The following CCDC32 variants were observed in gnomAD, a reference collection of about 807,000 sequenced individuals.
CCDC32 encodes coiled-coil domain containing 32, also known as coiled-coil domain-containing protein 32.
A neutral mutation model predicts 20.1 loss-of-function variants in CCDC32; 9 were observed. The ratio of observed to expected loss-of-function variants is 0.45; its 90% CI spans 0.27 to 0.78. CCDC32 has a LOEUF of 0.78. Among genes scored for constraint, CCDC32 ranks in the 30% least tolerant of loss-of-function variants. The pLI, the probability that CCDC32 is intolerant of heterozygous loss-of-function variation, is 0.16. For missense variants in CCDC32, 204 were observed against 215.5 expected, an observed-to-expected ratio of 0.95 and a Z score of 0.33; for synonymous variants, 63 against 79.0, an observed-to-expected ratio of 0.80 and a Z score of 1.07.
At chr15:40,564,864 T>G (rs1193793173) in intron 1 of CCDC32, 112 bp downstream of exon 1, 30 of 1,564,344 alleles carry the variant, frequency 1.9e-5, no homozygotes, top group Non-Finnish European at 2.5e-5. Context: ...CTCAGGTCTC[T>G]AGGGCTGTCT....
intron 2 of CCDC32, among the ~76,000 whole-genome samples, chr15:40,558,978 A>G (rs1485424691): frequency 6.6e-6 from 1 of 151,792 alleles, no homozygotes; most frequent in Non-Finnish European, 1.5e-5. Context: ...TAATTTTTGT[A>G]TTTTTAGTAG....
At chr15:40,542,175 T>A (rs977704512) in intron 3 of CCDC32, among the ~76,000 whole-genome samples, 2 of 152,222 alleles carry the variant, frequency 1.3e-5, no homozygotes, top group Non-Finnish European at 2.9e-5. Flanking sequence ...ATTACTATCT[T>A]CTACAAGGCC....
At chr15:40,534,680 A>C (rs1201064275), downstream of CCDC32, 1 of 538,466 alleles carries the variant, frequency 1.9e-6, no homozygotes, top group African/African-American at 1.9e-5. Flanking sequence ...TCTACTTCTC[A>C]TTGTATCCTC....
downstream of CCDC32, among the ~76,000 whole-genome samples, chr15:40,549,583 C>T (rs896797): frequency 0.88 from 134,465 of 152,230 alleles, 59,701 homozygotes; most frequent in Non-Finnish European, 0.93. Flanking sequence ...GTAGGCTCTA[C>T]TCCCCCCTCC....
At chr15:40,526,154 G>T (rs2141593573), downstream of CCDC32, among the ~76,000 whole-genome samples, 1 of 152,306 alleles carries the variant, frequency 6.6e-6, no homozygotes, top group East Asian at 1.9e-4. Context: ...AGCTGCTCAT[G>T]CACTAGGGAT....
At chr15:40,551,809 C>CAAAAAAAAAAAAAAA (rs59499493), downstream of CCDC32, among the ~76,000 whole-genome samples, 2 of 96,386 alleles carry the variant, frequency 2.1e-5, no homozygotes, top group African/African-American at 9.0e-5. Flanking sequence ...GACCCTGTCT[C>CAAAAAAAAAAAAAAA]AAAAAAAAAA....
At chr15:40,532,459 C>T (rs1888915060), downstream of CCDC32, among the ~76,000 whole-genome samples, 1 of 152,178 alleles carries the variant, frequency 6.6e-6, no homozygotes, top group Non-Finnish European at 1.5e-5. Flanking sequence ...AAAGATGCTT[C>T]AAAGAGAATC....
In CCDC32 at chr15:40,553,924, GTGTGTGTGTGTGTGTGTGTGTGTGT is replaced by G; in HGVS notation, c.*22_*46del. On this transcript the variant is annotated 3_prime_UTR_variant, in exon 4 of 4. Coordinates refer to ENST00000416810, the MANE Select transcript of CCDC32 (RefSeq NM_001080792.4). ...GCTCGGCGTGTGTGTGTGTGTGTGT[GTGTGTGTGTGTGTGTGTGTGTGTGT>G]GTGTGTGTGTGTGTGTGTAATTTAC... The G allele has an allele frequency of 2.6e-6, 1 of 380,354 alleles. No homozygotes were observed. Among genetic ancestry groups the G allele is most frequent in the East Asian group, 3.6e-5 (1 of 28,096 alleles). The allele number at this position is 380,354 out of a possible 1,614,324, so 23.6% of individuals were successfully genotyped here. A position where few individuals can be genotyped will look rare whatever the true frequency, so the allele number is the denominator to read the frequency against.
chr15:40,562,716 A>C, intron 2 of CCDC32, 56 bp downstream of exon 2: 1 of 1,555,478 alleles, frequency 6.4e-7, no homozygotes, highest in Admixed American at 1.9e-5. Context: ...AAGAATAGGA[A>C]ACCAAGTTTG....
At chr15:40,539,881 C>CACACACACACACACACACACA (rs1491175376) in intron 3 of CCDC32, among the ~76,000 whole-genome samples, 10 of 147,842 alleles carry the variant, frequency 6.8e-5, no homozygotes, top group Admixed American at 1.4e-4. Context: ...CACACACACA[C>CACACACACACACACACACACA]CCCGCTCCTT....
At chr15:40,558,228 A>G (rs1282873180) in intron 2 of CCDC32, among the ~76,000 whole-genome samples, 1 of 152,224 alleles carries the variant, frequency 6.6e-6, no homozygotes, top group African/African-American at 2.4e-5. Context: ...CTTAGAACCA[A>G]TAGAAACTAT....
chr15:40,553,225 T>C lies in CCDC32; in HGVS notation c.*746A>G. ...TGTTTGGAACTATCCAGGAGTAGTG[T>C]CAAACACTAACACCATATTTACAAG... On this transcript the variant is annotated 3_prime_UTR_variant, in exon 4 of 4. Transcript: ENST00000416810. 1 of 985,408 alleles carries C rather than the reference T, an allele frequency of 1.0e-6. No individual in the cohort carries two copies. The highest frequency in any genetic ancestry group is 1.7e-5 in the African/African-American group (1 of 57,344). The allele number at this position is 985,408 out of a possible 1,614,324, so 61.0% of individuals were successfully genotyped here. A position where few individuals can be genotyped will look rare whatever the true frequency, so the allele number is the denominator to read the frequency against.
downstream of CCDC32, among the ~76,000 whole-genome samples, chr15:40,532,839 A>G (rs900718785): frequency 6.8e-6 from 1 of 147,442 alleles, no homozygotes; most frequent in Non-Finnish European, 1.5e-5. Flanking sequence ...CTCCCACTTC[A>G]GGCTGGCGCG....
downstream of CCDC32, chr15:40,534,932 T>C (rs1415216194): frequency 1.3e-5 from 9 of 702,444 alleles, no homozygotes; most frequent in Non-Finnish European, 2.1e-5. Flanking sequence ...TGTCAGGGTC[T>C]GAAGGCTTGG....
At chr15:40,534,869 A>G (rs1201763204), downstream of CCDC32, 2 of 702,324 alleles carry the variant, frequency 2.8e-6, no homozygotes, top group South Asian at 1.5e-5. Context: ...CACACAGTCC[A>G]TTGCACCATC....
downstream of CCDC32, among the ~76,000 whole-genome samples, chr15:40,532,643 G>A (rs558668431): frequency 6.7e-6 from 1 of 149,860 alleles, no homozygotes. Context: ...GTTCCATACT[G>A]CTGCATATTC....
chr15:40,563,677 AACACACACACACAC>A (rs59483012), intron 1 of CCDC32, among the ~76,000 whole-genome samples: 2 of 129,704 alleles, frequency 1.5e-5, no homozygotes, highest in African/African-American at 5.1e-5. Flanking sequence ...CATATATTTT[AACACACACACACAC>A]ACACACACAC....
chr15:40,543,797 G>A (rs1889501533), intron 3 of CCDC32, among the ~76,000 whole-genome samples: 1 of 152,064 alleles, frequency 6.6e-6, no homozygotes, highest in South Asian at 2.1e-4. Context: ...TGGCCTTTAG[G>A]GGTAGGTTTG....
downstream of CCDC32, among the ~76,000 whole-genome samples, chr15:40,524,867 C>T (rs971635738): frequency 4.1e-5 from 6 of 147,938 alleles, no homozygotes; most frequent in Admixed American, 1.4e-4. Flanking sequence ...GCTATGATTA[C>T]AGGCCTATGC....
Sources: allele counts gnomAD v4.1 joint callset (sites outside exome capture counted in the v4.1 genomes callset), GRCh38; gene constraint gnomAD v4.1.1; transcripts MANE v1.5; gene names NCBI Gene and HGNC (gene_info 2026-07-23, HGNC 2026-07-21).